Variants in CHD6 observed in about 807,000 individuals in gnomAD.
CHD6 encodes chromodomain helicase DNA binding protein 6.
In CHD6, 50 loss-of-function variants were observed where a neutral mutation model predicts 276.9. That is an observed-to-expected ratio of 0.18 (90% CI 0.14 to 0.23). The LOEUF is 0.23. Among genes scored for constraint, CHD6 ranks in the 10% least tolerant of loss-of-function variants. The probability of loss-of-function intolerance (pLI) is 1.00; values close to 1 mark genes in which losing one functional copy is unlikely to be tolerated. For missense variants in CHD6, 2,564 were observed against 3,365.8 expected, an observed-to-expected ratio of 0.76 and a Z score of 5.89; for synonymous variants, 1,173 against 1,229.3, an observed-to-expected ratio of 0.95 and a Z score of 0.96.
rs116163524 is a variant in CHD6, at chr20:41,595,954, G to C, written c.-24+22386C>G. ...CCTCCTCTACCCCCTAAAAGCTACAGGAAATAAGCCAAAAGCTACCTCCCC... is the reference window on the plus strand; with the variant it reads ...CCTCCTCTACCCCCTAAAAGCTACACGAAATAAGCCAAAAGCTACCTCCCC... On this transcript the variant is annotated intron_variant, in intron 1 of 36. Coordinates refer to ENST00000373233, the MANE Select transcript of CHD6 (RefSeq NM_032221.5). Among the ~76,000 whole-genome samples the C allele has an allele frequency of 2.9e-3, 437 of 152,116 alleles. 2 individuals carry two copies. Among genetic ancestry groups the C allele is most frequent in the African/African-American group, 9.7e-3 (404 of 41,506 alleles).
chr20:41,613,893 C>A (rs986480503), intron 1 of CHD6, among the ~76,000 whole-genome samples: 4 of 151,838 alleles, frequency 2.6e-5, no homozygotes, highest in Admixed American at 2.6e-4. Flanking sequence ...TAGGGGTCCA[C>A]GAACTGCAGG....
intron 8 of CHD6, among the ~76,000 whole-genome samples, chr20:41,495,055 A>AT (rs988888221): frequency 6.8e-6 from 1 of 146,810 alleles, no homozygotes; most frequent in Non-Finnish European, 1.5e-5. Flanking sequence ...AAAAAAAAAA[A>AT]CCCAGTTTGT....
chr20:41,424,852 T>G (rs539935847), intron 29 of CHD6, among the ~76,000 whole-genome samples: 1 of 152,330 alleles, frequency 6.6e-6, no homozygotes, highest in South Asian at 2.1e-4. Context: ...GTTACTAAAA[T>G]AATTAGGGGG....
chr20:41,616,796 G>C (rs993504947), intron 1 of CHD6, among the ~76,000 whole-genome samples: 2 of 152,100 alleles, frequency 1.3e-5, no homozygotes, highest in Non-Finnish European at 2.9e-5. Flanking sequence ...TCTGTTGCCA[G>C]AGAGCCATAA....
intron 1 of CHD6, among the ~76,000 whole-genome samples, chr20:41,586,064 G>C (rs2045590900): frequency 6.6e-6 from 1 of 152,200 alleles, no homozygotes; most frequent in Non-Finnish European, 1.5e-5. Context: ...TATCGCCTGA[G>C]AGCACAGGAG....
At chr20:41,488,287 T>C (rs1339586609) in intron 13 of CHD6, 141 bp downstream of exon 13, 6 of 735,642 alleles carry the variant, frequency 8.2e-6, no homozygotes, top group East Asian at 2.5e-5. Context: ...TCCTATACTA[T>C]TGCAGTTATA....
chr20:41,616,123 C>A (rs1395691641), intron 1 of CHD6, among the ~76,000 whole-genome samples: 2 of 152,200 alleles, frequency 1.3e-5, no homozygotes, highest in Non-Finnish European at 2.9e-5. Context: ...AGAAATGCAG[C>A]AGTTAGTCGT....
chr20:41,589,957 T>G (rs569529561), intron 1 of CHD6, among the ~76,000 whole-genome samples: 1,673 of 151,868 alleles, frequency 0.011, 14 homozygotes, highest in Non-Finnish European at 0.016. Flanking sequence ...CTACCTGACT[T>G]CAAACTATAC....
Position 41,488,413 on chromosome 20 carries a change from G to A in CHD6, c.1857+15C>T. On this transcript the variant is annotated intron_variant, in intron 13 of 36. Coordinates refer to ENST00000373233, the MANE Select transcript of CHD6 (RefSeq NM_032221.5). ...AAAGGAACCTGTGTTTATGTAAAGA[G>A]ATGCTAACTCTCACCAGGGCCATAA... The A allele has an allele frequency of 6.3e-7, 1 of 1,597,260 alleles. No homozygotes were observed. Among genetic ancestry groups the A allele is most frequent in the Non-Finnish European group, 8.5e-7 (1 of 1,173,868 alleles).
rs2048246367 is a variant in CHD6 at position 41,451,738 on chromosome 20, C to A, written c.3523+88G>T. The A allele has an allele frequency of 3.6e-5, 43 of 1,185,314 alleles. 1 individual carries two copies. In the South Asian group the frequency reaches 4.6e-4, roughly 13 times the overall value. 73.4% of individuals were successfully genotyped at this position (1,185,314 alleles called of 1,614,324 possible). ...AAACACCCGAGAAAGAGAAGTCCCC[C>A]AAAGCACAGCAATACGGCCCCGCAG... On this transcript the variant is annotated intron_variant, in intron 22 of 36. Transcript: ENST00000373233.
At chr20:41,491,644 A>G in intron 11 of CHD6, 54 bp downstream of exon 11, 1 of 1,609,938 alleles carries the variant, frequency 6.2e-7, no homozygotes, top group South Asian at 1.1e-5. Context: ...GTTCCAGGCT[A>G]AGGCAATAAT....
At chr20:41,486,294 C>CA (rs2043412998) in intron 14 of CHD6, 2 of 152,134 alleles carry the variant, frequency 1.3e-5, no homozygotes, top group Non-Finnish European at 2.9e-5. Flanking sequence ...ACAACAAACA[C>CA]AACTTGGGAG....
intron 1 of CHD6, among the ~76,000 whole-genome samples, chr20:41,554,310 G>C (rs6072420): frequency 0.35 from 53,800 of 151,976 alleles, 12,326 homozygotes; most frequent in African/African-American, 0.63. Flanking sequence ...AAACAAGCAG[G>C]GCACCTAACA....
chr20:41,457,231 C>G, intron 18 of CHD6, 33 bp downstream of exon 18: 12 of 1,598,618 alleles, frequency 7.5e-6, no homozygotes, highest in Non-Finnish European at 1.0e-5. Flanking sequence ...ACCAATGTTC[C>G]TTAAGACTCC....
chr20:41,617,777 C>A (rs1013580272), intron 1 of CHD6, among the ~76,000 whole-genome samples: 24 of 152,084 alleles, frequency 1.6e-4, no homozygotes, highest in African/African-American at 5.8e-4. Flanking sequence ...CGCAGGGGCC[C>A]CCGCCCCCTC....
At chr20:41,563,630 A>G (rs867702220) in intron 1 of CHD6, among the ~76,000 whole-genome samples, 2 of 152,222 alleles carry the variant, frequency 1.3e-5, no homozygotes, top group Middle Eastern at 3.2e-3. Context: ...TGCTCATAAA[A>G]ATCAATTAGC....
At chr20:41,497,574 A>ACACGGTGAC in intron 7 of CHD6, 73 bp from the exon 8 acceptor site, 1 of 980,932 alleles carries the variant, frequency 1.0e-6, no homozygotes, top group South Asian at 1.3e-5. Flanking sequence ...TGTTCAATAA[A>ACACGGTGAC]CACGGTGACC....
At chr20:41,474,247 G>A (rs1231517779) in intron 16 of CHD6, among the ~76,000 whole-genome samples, 1 of 152,170 alleles carries the variant, frequency 6.6e-6, no homozygotes, top group Non-Finnish European at 1.5e-5. Flanking sequence ...CAACTGTGTG[G>A]AAAATCAAGA....
Position 41,491,833 on chromosome 20 carries a change from CA to C in CHD6, c.1315-15del, listed in dbSNP as rs759838697. 1.9e-6 allele frequency: 3 copies of C among 1,613,470 alleles called. No individual in the cohort carries two copies. The highest frequency in any genetic ancestry group is 3.3e-5 in the Admixed American group (2 of 59,994). ...AGCAGGCCGCTCCTAGGGAGGAAAG[CA>C]AACAGCATAATAGATAGAGAATGAT... On this transcript the variant is annotated splice_polypyrimidine_tract_variant and intron_variant, in intron 10 of 36. Transcript: ENST00000373233.
Sources: allele counts gnomAD v4.1 joint callset (sites outside exome capture counted in the v4.1 genomes callset), GRCh38; gene constraint gnomAD v4.1.1; transcripts MANE v1.5; gene names NCBI Gene and HGNC (gene_info 2026-07-23, HGNC 2026-07-21).